The following PRICKLE1 variants were observed in gnomAD, a reference collection of about 807,000 sequenced individuals.
PRICKLE1 encodes the protein prickle-like protein 1.
In PRICKLE1, 14 loss-of-function variants were observed where a neutral mutation model predicts 70.2. The observed-to-expected ratio is 0.20, with a 90% confidence interval of 0.13 to 0.31. PRICKLE1 has a LOEUF of 0.31. Ranked by LOEUF, PRICKLE1 falls within the 10% of genes least tolerant of loss-of-function variation. PRICKLE1 has a pLI of 1.00. For synonymous variants in PRICKLE1, 357 were observed against 379.9 expected (o/e 0.94, Z 0.70); for missense variants, 821 against 1,026.2 (o/e 0.80, Z 2.73).
intron 1 of PRICKLE1, among the ~76,000 whole-genome samples, chr12:42,481,640 C>G (rs1938797789): frequency 6.6e-6 from 1 of 152,222 alleles, no homozygotes; most frequent in East Asian, 1.9e-4. Context: ...CATTCAAAAG[C>G]TACTCCAATT....
intron 1 of PRICKLE1, among the ~76,000 whole-genome samples, chr12:42,561,252 G>A (rs193139910): frequency 1.6e-4 from 24 of 152,222 alleles, no homozygotes; most frequent in Non-Finnish European, 2.8e-4. Context: ...TGTTGCAAGC[G>A]AAAGATCTAT....
intron 1 of PRICKLE1, among the ~76,000 whole-genome samples, chr12:42,530,018 C>CT (rs1215599727): frequency 6.6e-6 from 1 of 150,592 alleles, no homozygotes; most frequent in Non-Finnish European, 1.5e-5. Flanking sequence ...ACTATCTTGG[C>CT]CACTGCAACC....
chr12:42,577,161 T>C (rs1940817255), intron 1 of PRICKLE1, among the ~76,000 whole-genome samples: 1 of 152,248 alleles, frequency 6.6e-6, no homozygotes, highest in Non-Finnish European at 1.5e-5. Context: ...AACATGCTAA[T>C]TTGAGTACTA....
At chr12:42,548,674 T>C (rs905711491) in intron 1 of PRICKLE1, among the ~76,000 whole-genome samples, 4 of 152,080 alleles carry the variant, frequency 2.6e-5, no homozygotes, top group African/African-American at 7.2e-5. Context: ...TTGTGTTGAG[T>C]CTTTGAGGTG....
chr12:42,470,109 C>T, intron 3 of PRICKLE1, 137 bp downstream of exon 3: 1 of 686,996 alleles, frequency 1.5e-6, no homozygotes, highest in Admixed American at 2.2e-5. Flanking sequence ...AAGCTGTATT[C>T]TCTGGCCAAA....
chr12:42,530,195 C>T (rs762620309), intron 1 of PRICKLE1, among the ~76,000 whole-genome samples: 9 of 152,114 alleles, frequency 5.9e-5, no homozygotes, highest in African/African-American at 1.9e-4. Flanking sequence ...CCGCCTGCCT[C>T]GGCCTCTCAA....
intron 1 of PRICKLE1, among the ~76,000 whole-genome samples, chr12:42,477,804 G>A (rs61924399): frequency 0.16 from 24,622 of 151,810 alleles, 2,241 homozygotes; most frequent in African/African-American, 0.24. Flanking sequence ...CACATGAAAC[G>A]GGCAGAATCA....
At chr12:42,498,561 T>A (rs1056486788) in intron 1 of PRICKLE1, among the ~76,000 whole-genome samples, 1 of 152,166 alleles carries the variant, frequency 6.6e-6, no homozygotes, top group Non-Finnish European at 1.5e-5. Context: ...GGCAGGAGGA[T>A]TGTTTGAGCC....
chr12:42,518,289 C>T (rs889175675), intron 1 of PRICKLE1, among the ~76,000 whole-genome samples: 10 of 152,152 alleles, frequency 6.6e-5, no homozygotes, highest in Non-Finnish European at 1.3e-4. Flanking sequence ...AGCAATCCTT[C>T]TGCCTCAGCC....
At chr12:42,506,639 G>C (rs945101184) in intron 1 of PRICKLE1, among the ~76,000 whole-genome samples, 1 of 127,076 alleles carries the variant, frequency 7.9e-6, no homozygotes, top group Non-Finnish European at 1.6e-5. Context: ...GCAGTGGCAC[G>C]ATCTTGGCTC....
chr12:42,488,057 A>G (rs978789058), intron 1 of PRICKLE1, among the ~76,000 whole-genome samples: 1 of 152,136 alleles, frequency 6.6e-6, no homozygotes, highest in Non-Finnish European at 1.5e-5. Flanking sequence ...ATAAATAAAT[A>G]AAATGAAATA....
rs1046723969 is a variant in PRICKLE1 at position 42,460,505 on chromosome 12, T to C, written c.1800A>G (p.Ser600=). Residue 600 remains serine, a synonymous_variant, in exon 8 of 8, where the codon TCA becomes TCG. Transcript: ENST00000345127. Reference sequence around the variant, plus strand: ...GCAGGATTTTCTCTGGACACAACTCTGAACTTAGACTCTTTAAGGACTCTG... The same window carrying C: ...GCAGGATTTTCTCTGGACACAACTCCGAACTTAGACTCTTTAAGGACTCTG... ...RSAESLKSLS[S]ELCPEKILPE... is the part of the protein sequence containing the mutation. The C allele has an allele frequency of 1.9e-6, 3 of 1,613,842 alleles. No individual in the cohort carries two copies. The African/African-American group carries it at 4.0e-5, about 22-fold the overall frequency.
Position 42,459,223 on chromosome 12 carries a change from T to G in PRICKLE1, c.*586A>C, listed in dbSNP as rs1371070079. Reference sequence around the variant, plus strand: ...TAAATTAGGAATACACTTAAGTCTATGAAATACTAAGTTATAAATAGCAAT... The same window carrying G: ...TAAATTAGGAATACACTTAAGTCTAGGAAATACTAAGTTATAAATAGCAAT... On this transcript the variant is annotated 3_prime_UTR_variant, in exon 8 of 8. Coordinates refer to ENST00000345127, the MANE Select transcript of PRICKLE1 (RefSeq NM_153026.3). The G allele has an allele frequency of 1.4e-6, 1 of 696,986 alleles. No individual in the cohort carries two copies. The highest frequency in any genetic ancestry group is 2.6e-6 in the Non-Finnish European group (1 of 383,546). The allele number at this position is 696,986 out of a possible 1,614,324, so 43.2% of individuals were successfully genotyped here. A position where few individuals can be genotyped will look rare whatever the true frequency, so the allele number is the denominator to read the frequency against.
chr12:42,576,444 C>G (rs1423950860), intron 1 of PRICKLE1, among the ~76,000 whole-genome samples: 1 of 152,216 alleles, frequency 6.6e-6, no homozygotes, highest in African/African-American at 2.4e-5. Context: ...GACTTTATTT[C>G]TGTTCCACCC....
chr12:42,562,858 A>G (rs1037605875), intron 1 of PRICKLE1, among the ~76,000 whole-genome samples: 3 of 152,214 alleles, frequency 2.0e-5, no homozygotes, highest in African/African-American at 7.2e-5. Context: ...GACATAGCTT[A>G]CATTCAAGTT....
intron 1 of PRICKLE1, among the ~76,000 whole-genome samples, chr12:42,481,003 A>G (rs1343617482): frequency 2.6e-5 from 4 of 152,206 alleles, no homozygotes; most frequent in South Asian, 2.1e-4. Flanking sequence ...TCCCTAAGAA[A>G]GCTTACACAT....
chr12:42,458,119 T>C lies in PRICKLE1; in HGVS notation c.*1690A>G, dbSNP rs1208115066. 6 of 152,218 alleles carry C rather than the reference T, an allele frequency of 3.9e-5. 1 individual carries two copies. The South Asian group carries it at 1.0e-3, about 26-fold the overall frequency. 9.4% of individuals were successfully genotyped at this position (152,218 alleles called of 1,614,324 possible). A position where few individuals can be genotyped will look rare whatever the true frequency, so the allele number is the denominator to read the frequency against. On this transcript the variant is annotated 3_prime_UTR_variant, in exon 8 of 8. Coordinates refer to ENST00000345127, the MANE Select transcript of PRICKLE1 (RefSeq NM_153026.3). ...CACCTACTACTCGCTGGTTTACCCA[T>C]TGGACTTGTGTCTGTCCTCCCTAAG... is the stretch of plus-strand genomic sequence containing the variant.
chr12:42,471,046 G>A (rs1240847073), intron 2 of PRICKLE1, among the ~76,000 whole-genome samples: 1 of 152,114 alleles, frequency 6.6e-6, no homozygotes, highest in African/African-American at 2.4e-5. Flanking sequence ...GCCACTACAC[G>A]AACACATTTA....
At chr12:42,496,557 A>C (rs1936123385) in intron 1 of PRICKLE1, among the ~76,000 whole-genome samples, 1 of 152,240 alleles carries the variant, frequency 6.6e-6, no homozygotes, top group Non-Finnish European at 1.5e-5. Flanking sequence ...CCTAGATGGC[A>C]TCGTCTTCCA....
Sources: gnomAD v4.1 joint callset for allele counts (sites outside exome capture counted in the v4.1 genomes callset) on GRCh38, gnomAD v4.1.1 for gene constraint, MANE v1.5 for transcripts, NCBI Gene and HGNC (gene_info 2026-07-23, HGNC 2026-07-21) for gene names.